ASXL3: variants seen among roughly 807,000 people sequenced by gnomAD.
The protein encoded by ASXL3 is ASXL transcriptional regulator 3.
A neutral mutation model predicts 170.6 loss-of-function variants in ASXL3; 34 were observed. The ratio of observed to expected loss-of-function variants is 0.20; its 90% CI spans 0.15 to 0.27. The LOEUF (loss-of-function observed/expected upper bound fraction) is 0.27, where lower values mean the gene tolerates loss of function less well. Ranked by LOEUF, ASXL3 falls within the 10% of genes least tolerant of loss-of-function variation. ASXL3 has a pLI of 1.00. For synonymous variants in ASXL3, 1,002 were observed against 989.1 expected (o/e 1.01, Z -0.24); for missense variants, 2,592 against 2,695.3 (o/e 0.96, Z 0.85).
chr18:33,660,245 C>T (rs1310267930), intron 4 of ASXL3, among the ~76,000 whole-genome samples: 2 of 152,086 alleles, frequency 1.3e-5, no homozygotes, highest in Admixed American at 6.6e-5. Context: ...AATCAGATCA[C>T]ATGTTGGAAG....
intron 2 of ASXL3, among the ~76,000 whole-genome samples, chr18:33,644,652 C>T (rs2065893328): frequency 6.6e-6 from 1 of 151,674 alleles, no homozygotes; most frequent in Non-Finnish European, 1.5e-5. Flanking sequence ...ATTCAAGAGA[C>T]TTTTGCCTGA....
chr18:33,612,111 G>A (rs919341384), intron 2 of ASXL3, among the ~76,000 whole-genome samples: 1 of 151,950 alleles, frequency 6.6e-6, no homozygotes, highest in Non-Finnish European at 1.5e-5. Flanking sequence ...AGCATGAACT[G>A]TGATTTAGTT....
chr18:33,667,441 T>C (rs907580995), intron 5 of ASXL3, among the ~76,000 whole-genome samples: 3 of 152,234 alleles, frequency 2.0e-5, no homozygotes, highest in Non-Finnish European at 2.9e-5. Context: ...TTATAAAGCC[T>C]TGGCAACCAT....
At chr18:33,674,648 C>T (rs774269584) in intron 7 of ASXL3, among the ~76,000 whole-genome samples, 2 of 150,642 alleles carry the variant, frequency 1.3e-5, no homozygotes, top group South Asian at 2.1e-4. Context: ...GACGGAGTCT[C>T]GCTCTGTCGC....
At chr18:33,675,235 C>A (rs1411404253) in intron 7 of ASXL3, among the ~76,000 whole-genome samples, 1 of 152,148 alleles carries the variant, frequency 6.6e-6, no homozygotes, top group African/African-American at 2.4e-5. Flanking sequence ...TAAAAATGAT[C>A]CTGTGTTTGT....
At position 33,670,576 on chromosome 18, in the gene ASXL3, G is replaced by T. The variant is rs2066324517; in HGVS notation, c.478-97G>T. 13 of 853,358 alleles carry T rather than the reference G, an allele frequency of 1.5e-5. No homozygotes were observed. In the South Asian group the frequency reaches 2.5e-4, roughly 17 times the overall value. The allele number at this position is 853,358 out of a possible 1,614,324, so 52.9% of individuals were successfully genotyped here. ...CTGTGGAATTTAAGTCTCTTAAGAG[G>T]TTCTATGTAATGATGGACAAATGAG... On this transcript the variant is annotated intron_variant, in intron 5 of 11. Coordinates refer to ENST00000269197, the MANE Select transcript of ASXL3 (RefSeq NM_030632.3).
chr18:33,722,013 C>A (rs2067269941), intron 8 of ASXL3, among the ~76,000 whole-genome samples: 1 of 151,864 alleles, frequency 6.6e-6, no homozygotes, highest in South Asian at 2.1e-4. Context: ...ATATTTTTTA[C>A]TATCGCATTT....
rs1383941750 is a variant in ASXL3, at chr18:33,748,665, TATC to T, written c.*2074_*2076del. 2 of 152,250 alleles carry T rather than the reference TATC, an allele frequency of 1.3e-5. No homozygotes were observed. Among genetic ancestry groups the T allele is most frequent in the African/African-American group, 2.4e-5 (1 of 41,460 alleles). The allele number at this position is 152,250 out of a possible 1,614,324, so 9.4% of individuals were successfully genotyped here. A position where few individuals can be genotyped will look rare whatever the true frequency, so the allele number is the denominator to read the frequency against. The stretch of plus-strand genomic sequence containing the variant: ...GGTGTCTTTGTCTGCCTGGCTCTGA[TATC>T]ATCCTGATTTCGAAGATCATGCTGT... On this transcript the variant is annotated 3_prime_UTR_variant, in exon 12 of 12. Coordinates refer to ENST00000269197, the MANE Select transcript of ASXL3 (RefSeq NM_030632.3).
chr18:33,692,850 G>C (rs1408378975), intron 8 of ASXL3, among the ~76,000 whole-genome samples: 1 of 152,152 alleles, frequency 6.6e-6, no homozygotes, highest in Non-Finnish European at 1.5e-5. Context: ...AAAGAACTTT[G>C]CATTAGTCTA....
At chr18:33,682,333 T>TC (rs2066527080) in intron 7 of ASXL3, among the ~76,000 whole-genome samples, 1 of 152,218 alleles carries the variant, frequency 6.6e-6, no homozygotes, top group Non-Finnish European at 1.5e-5. Context: ...AAAATCACAT[T>TC]CAAGTCATTA....
At chr18:33,615,186 T>C (rs2065403823) in intron 2 of ASXL3, among the ~76,000 whole-genome samples, 1 of 152,172 alleles carries the variant, frequency 6.6e-6, no homozygotes, top group Non-Finnish European at 1.5e-5. Flanking sequence ...TCAATGATCT[T>C]AGCGAGATAT....
intron 1 of ASXL3, among the ~76,000 whole-genome samples, chr18:33,585,956 A>G (rs2065030970): frequency 6.6e-6 from 1 of 152,128 alleles, no homozygotes; most frequent in Admixed American, 6.5e-5. Context: ...CACGTATTCC[A>G]TTATTCTTTA....
chr18:33,630,871 A>G (rs2065666749), intron 2 of ASXL3, among the ~76,000 whole-genome samples: 1 of 152,006 alleles, frequency 6.6e-6, no homozygotes, highest in Non-Finnish European at 1.5e-5. Flanking sequence ...ATTTTTTTAC[A>G]TTTTGAAAAT....
intron 8 of ASXL3, among the ~76,000 whole-genome samples, chr18:33,731,234 CTA>C (rs370437379): frequency 2.3e-3 from 352 of 152,144 alleles, no homozygotes; most frequent in African/African-American, 8.1e-3. Flanking sequence ...TAAGAAATCT[CTA>C]AAAGTGTGTT....
At position 33,748,322 on chromosome 18, in the gene ASXL3, C is replaced by T. The variant is rs894375366; in HGVS notation, c.*1727C>T. 5 of 151,820 alleles carry T rather than the reference C, an allele frequency of 3.3e-5. No individual in the cohort carries two copies. Among genetic ancestry groups the T allele is most frequent in the Admixed American group, 6.6e-5 (1 of 15,222 alleles). The allele number at this position is 151,820 out of a possible 1,614,324, so 9.4% of individuals were successfully genotyped here. ...CAACTATATAATATGTTTTTTTCTC[C>T]GTATTTATTGTGATGTTGCCAAATT... On this transcript the variant is annotated 3_prime_UTR_variant, in exon 12 of 12. Coordinates refer to ENST00000269197, the MANE Select transcript of ASXL3 (RefSeq NM_030632.3).
intron 8 of ASXL3, among the ~76,000 whole-genome samples, chr18:33,686,184 CTT>C (rs1379678547): frequency 1.3e-5 from 2 of 152,132 alleles, no homozygotes; most frequent in South Asian, 2.1e-4. Flanking sequence ...CATTGAGAAA[CTT>C]TTTTTATTCA....
chr18:33,670,589 A>T, intron 5 of ASXL3, 84 bp from the exon 6 acceptor site: 1 of 1,022,094 alleles, frequency 9.8e-7, no homozygotes, highest in Non-Finnish European at 1.4e-6. Flanking sequence ...CTATGTAATG[A>T]TGGACAAATG....
At chr18:33,609,752 T>C (rs2145128168) in intron 2 of ASXL3, among the ~76,000 whole-genome samples, 1 of 152,002 alleles carries the variant, frequency 6.6e-6, no homozygotes, top group South Asian at 2.1e-4. Context: ...CATGAACCAG[T>C]ATAGTATTAG....
intron 8 of ASXL3, among the ~76,000 whole-genome samples, chr18:33,706,725 A>G (rs963776085): frequency 6.6e-6 from 1 of 151,788 alleles, no homozygotes; most frequent in Non-Finnish European, 1.5e-5. Flanking sequence ...AATTCAGAGT[A>G]TAAGTCCTTT....
Sources: gnomAD v4.1 joint callset for allele counts (sites outside exome capture counted in the v4.1 genomes callset) on GRCh38, gnomAD v4.1.1 for gene constraint, MANE v1.5 for transcripts, NCBI Gene and HGNC (gene_info 2026-07-23, HGNC 2026-07-21) for gene names.